Variants in EDIL3 observed in about 807,000 individuals in gnomAD.
EDIL3 encodes EGF like and discoidin domains 3, also known as EGF-like repeat and discoidin I-like domain-containing protein 3.
EDIL3 carries 37 observed loss-of-function variants against 67.4 expected under a neutral mutation model. The ratio of observed to expected loss-of-function variants is 0.55; its 90% CI spans 0.42 to 0.72. The LOEUF (loss-of-function observed/expected upper bound fraction) is 0.72. Among genes scored for constraint, EDIL3 ranks in the 30% least tolerant of loss-of-function variants. The pLI is 0.00. For synonymous variants in EDIL3, 195 were observed against 196.3 expected (o/e 0.99, Z 0.05); for missense variants, 527 against 586.3 (o/e 0.90, Z 1.04).
chr5:83,980,826 A>G (rs1005636352), intron 9 of EDIL3, among the ~76,000 whole-genome samples: 3 of 151,482 alleles, frequency 2.0e-5, no homozygotes, highest in Non-Finnish European at 4.4e-5. Flanking sequence ...TATAAAAGTC[A>G]ACTGGTTTTC....
At chr5:84,116,480 A>C (rs531308370) in intron 5 of EDIL3, among the ~76,000 whole-genome samples, 1 of 152,288 alleles carries the variant, frequency 6.6e-6, no homozygotes, top group African/African-American at 2.4e-5. Context: ...TCAGGGACCT[A>C]AACATTCTTG....
chr5:84,113,090 C>A lies in EDIL3; in HGVS notation c.470-6260G>T, dbSNP rs528687629. Reference sequence around the variant, plus strand: ...TGTCTGGGTCTCTTCTCTTTCAAATCGCTGCCACACAGCATTACCAGGTAT... The same window carrying A: ...TGTCTGGGTCTCTTCTCTTTCAAATAGCTGCCACACAGCATTACCAGGTAT... On this transcript the variant is annotated intron_variant, in intron 5 of 10. Coordinates refer to ENST00000296591, the MANE Select transcript of EDIL3 (RefSeq NM_005711.5). 7.2e-5 allele frequency among the ~76,000 whole-genome samples: 11 copies of A among 152,198 alleles called. No individual in the cohort carries two copies. The East Asian group carries it at 2.1e-3, about 29-fold the overall frequency.
chr5:84,000,000 G>A (rs1745301074), intron 9 of EDIL3, among the ~76,000 whole-genome samples: 3 of 100,410 alleles, frequency 3.0e-5, no homozygotes, highest in Non-Finnish European at 4.2e-5. Context: ...TATTTCAAGT[G>A]CTAAAGGAAA....
intron 1 of EDIL3, among the ~76,000 whole-genome samples, chr5:84,303,844 G>T (rs1054695087): frequency 1.0e-4 from 14 of 136,276 alleles, no homozygotes; most frequent in African/African-American, 1.4e-4. Context: ...GTGTGTGTGT[G>T]TGTGTTTGTG....
chr5:84,369,064 C>A (rs1418956724), intron 1 of EDIL3, among the ~76,000 whole-genome samples: 1 of 151,596 alleles, frequency 6.6e-6, no homozygotes, highest in East Asian at 1.9e-4. Flanking sequence ...AAAGTTCCTC[C>A]AAAAATTAAA....
intron 9 of EDIL3, among the ~76,000 whole-genome samples, chr5:83,980,297 T>C (rs1388383223): frequency 2.0e-5 from 3 of 151,612 alleles, no homozygotes; most frequent in Admixed American, 6.6e-5. Flanking sequence ...ATTTATAGAG[T>C]ATTGTTTATT....
chr5:84,112,094 T>C (rs887007995), intron 5 of EDIL3, among the ~76,000 whole-genome samples: 1 of 152,002 alleles, frequency 6.6e-6, no homozygotes, highest in African/African-American at 2.4e-5. Flanking sequence ...AGTGGAGAAG[T>C]AGAAAAATGC....
At chr5:84,145,097 T>A (rs1748269749) in intron 4 of EDIL3, among the ~76,000 whole-genome samples, 1 of 152,148 alleles carries the variant, frequency 6.6e-6, no homozygotes, top group Admixed American at 6.6e-5. Context: ...ATCATTCATT[T>A]TCTATTCTTC....
intron 8 of EDIL3, among the ~76,000 whole-genome samples, chr5:84,064,242 T>C (rs1211699843): frequency 2.0e-5 from 3 of 150,874 alleles, no homozygotes; most frequent in East Asian, 1.9e-4. Flanking sequence ...AAAGTTCTTA[T>C]GGTAGACAGA....
At chr5:84,294,308 C>T (rs925129980) in intron 1 of EDIL3, among the ~76,000 whole-genome samples, 5 of 149,674 alleles carry the variant, frequency 3.3e-5, no homozygotes, top group Admixed American at 6.7e-5. Context: ...TGGCATGAAC[C>T]CGGGAGGTGG....
chr5:84,058,645 T>C (rs1746490153), intron 9 of EDIL3, among the ~76,000 whole-genome samples: 1 of 152,056 alleles, frequency 6.6e-6, no homozygotes, highest in Non-Finnish European at 1.5e-5. Context: ...AGAAGAAGTG[T>C]GACCAGGAAA....
intron 9 of EDIL3, among the ~76,000 whole-genome samples, chr5:84,053,555 C>A (rs1279506869): frequency 3.3e-5 from 5 of 152,052 alleles, no homozygotes; most frequent in African/African-American, 1.2e-4. Context: ...AATTGATAGA[C>A]CGCTAGCAAG....
chr5:84,285,729 C>T (rs573105528), intron 1 of EDIL3, among the ~76,000 whole-genome samples: 175 of 152,218 alleles, frequency 1.1e-3, no homozygotes, highest in Non-Finnish European at 2.1e-3. Context: ...GCATGCATTG[C>T]TGCACTTTCA....
chr5:84,068,700 T>C (rs1388869614), intron 6 of EDIL3, among the ~76,000 whole-genome samples: 8 of 152,086 alleles, frequency 5.3e-5, no homozygotes, highest in Non-Finnish European at 7.4e-5. Flanking sequence ...AAAATTAAAA[T>C]GAAAAAATTT....
At chr5:84,036,558 T>C (rs1746025497) in intron 9 of EDIL3, among the ~76,000 whole-genome samples, 1 of 152,166 alleles carries the variant, frequency 6.6e-6, no homozygotes, top group South Asian at 2.1e-4. Flanking sequence ...AGACATTTTG[T>C]TGAAGCCCAG....
At chr5:84,095,856 G>A (rs575669507) in intron 6 of EDIL3, among the ~76,000 whole-genome samples, 1 of 152,308 alleles carries the variant, frequency 6.6e-6, no homozygotes, top group South Asian at 2.1e-4. Flanking sequence ...GGTCTTCATG[G>A]CAGCCCCTCC....
intron 10 of EDIL3, among the ~76,000 whole-genome samples, chr5:83,946,604 C>A (rs1300098426): frequency 2.0e-5 from 3 of 151,860 alleles, no homozygotes; most frequent in African/African-American, 7.2e-5. Context: ...ACAATAAAAT[C>A]TTGTTTCTAG....
At chr5:83,992,854 A>T (rs1745174165) in intron 9 of EDIL3, among the ~76,000 whole-genome samples, 1 of 151,804 alleles carries the variant, frequency 6.6e-6, no homozygotes, top group Non-Finnish European at 1.5e-5. Context: ...TATATACTCT[A>T]TTTAAAAATA....
chr5:84,210,050 A>C (rs897044296), intron 3 of EDIL3, among the ~76,000 whole-genome samples: 2 of 152,218 alleles, frequency 1.3e-5, no homozygotes, highest in African/African-American at 4.8e-5. Context: ...TCACTTAACA[A>C]CAAGTTTTAC....
Sources: gnomAD v4.1 joint callset for allele counts (sites outside exome capture counted in the v4.1 genomes callset) on GRCh38, gnomAD v4.1.1 for gene constraint, MANE v1.5 for transcripts, NCBI Gene and HGNC (gene_info 2026-07-23, HGNC 2026-07-21) for gene names.